The following SLC9A7 variants were observed in gnomAD, a reference collection of about 807,000 sequenced individuals.
SLC9A7 encodes solute carrier family 9 member A7.
Under a neutral mutation model 52.6 loss-of-function variants are expected in SLC9A7, and 19 were observed. The ratio of observed to expected loss-of-function variants is 0.36; its 90% CI spans 0.25 to 0.53. The LOEUF (loss-of-function observed/expected upper bound fraction) is 0.53. Ranked by LOEUF, SLC9A7 falls within the 20% of genes least tolerant of loss-of-function variation. The pLI is 0.91. For missense variants in SLC9A7, 455 were observed against 597.9 expected (o/e 0.76, Z 2.49); for synonymous variants, 226 against 252.1 (o/e 0.90, Z 0.98).
At chrX:46,648,283 C>T (rs747827666) in intron 11 of SLC9A7, among the ~76,000 whole-genome samples, 2 of 111,918 alleles carry the variant, frequency 1.8e-5, no homozygotes, top group Non-Finnish European at 3.8e-5. Flanking sequence ...GAGGATACTG[C>T]GGCTGGGAGG....
chrX:46,650,921 C>G (rs1230723170), intron 10 of SLC9A7, among the ~76,000 whole-genome samples, 189 bp downstream of exon 10: 1 of 111,020 alleles, frequency 9.0e-6, no homozygotes, highest in Non-Finnish European at 1.9e-5. Context: ...TTTTTTTCAT[C>G]ATAAAAACCC....
At chrX:46,649,616 A>G (rs985616429) in intron 10 of SLC9A7, among the ~76,000 whole-genome samples, 3 of 112,100 alleles carry the variant, frequency 2.7e-5, no homozygotes, top group Non-Finnish European at 3.8e-5. Flanking sequence ...AGCCAGAGGA[A>G]CAGGGAGCTT....
chrX:46,736,155 TC>T (rs756222081), intron 1 of SLC9A7, among the ~76,000 whole-genome samples: 1 of 112,226 alleles, frequency 8.9e-6, no homozygotes, highest in Admixed American at 9.5e-5. Flanking sequence ...ACATTGTTAC[TC>T]TTCTCTTGGA....
chrX:46,661,321 A>C (rs1288626673), intron 7 of SLC9A7, among the ~76,000 whole-genome samples: 1 of 110,675 alleles, frequency 9.0e-6, no homozygotes, highest in Non-Finnish European at 1.9e-5. Flanking sequence ...ATGTATACAT[A>C]TGTAACTAAC....
At chrX:46,647,783 A>G (rs764549121) in intron 11 of SLC9A7, among the ~76,000 whole-genome samples, 8 of 112,799 alleles carry the variant, frequency 7.1e-5, no homozygotes, top group Non-Finnish European at 1.1e-4. Flanking sequence ...ATGAGATAAA[A>G]TGACTGCTTT....
At chrX:46,727,313 C>T (rs1353143067) in intron 1 of SLC9A7, among the ~76,000 whole-genome samples, 1 of 112,450 alleles carries the variant, frequency 8.9e-6, no homozygotes, top group Non-Finnish European at 1.9e-5. Context: ...CTTTTATTTT[C>T]TCTTCCTATC....
intron 1 of SLC9A7, among the ~76,000 whole-genome samples, chrX:46,712,456 T>C (rs1197529324): frequency 9.0e-6 from 1 of 111,387 alleles, no homozygotes; most frequent in Non-Finnish European, 1.9e-5. Flanking sequence ...CACTCATTAG[T>C]GGCAGGGATG....
At chrX:46,643,465 TG>T (rs1943439363) in intron 11 of SLC9A7, 76 bp from the exon 12 acceptor site, 1 of 1,024,122 alleles carries the variant, frequency 9.8e-7, no homozygotes, top group African/African-American at 1.9e-5. Context: ...TGCTGCCATT[TG>T]GGGCTAATAA....
At chrX:46,699,682 C>A (rs1040523769) in intron 1 of SLC9A7, among the ~76,000 whole-genome samples, 3 of 111,519 alleles carry the variant, frequency 2.7e-5, no homozygotes, top group African/African-American at 9.8e-5. Flanking sequence ...GGATTGCTAC[C>A]CATCTGGCTC....
At chrX:46,684,577 T>A (rs888200526) in intron 1 of SLC9A7, among the ~76,000 whole-genome samples, 2 of 112,047 alleles carry the variant, frequency 1.8e-5, no homozygotes, top group Admixed American at 1.9e-4. Context: ...TAGGGAAAAG[T>A]AATGAAAGCT....
intron 1 of SLC9A7, among the ~76,000 whole-genome samples, chrX:46,747,861 T>C (rs189430836): frequency 4.7e-4 from 53 of 112,144 alleles, no homozygotes; most frequent in African/African-American, 1.5e-3. Context: ...CTAGGGTGGC[T>C]ATCATTTTTT....
chrX:46,678,976 T>C (rs902913357), intron 3 of SLC9A7, among the ~76,000 whole-genome samples: 1 of 111,485 alleles, frequency 9.0e-6, no homozygotes, highest in African/African-American at 3.3e-5. Flanking sequence ...TACACAACTG[T>C]TCCATCACCC....
intron 1 of SLC9A7, among the ~76,000 whole-genome samples, chrX:46,717,296 A>C (rs1944783585): frequency 8.9e-6 from 1 of 112,242 alleles, no homozygotes; most frequent in Non-Finnish European, 1.9e-5. Context: ...TTGTGTAATA[A>C]AGTGTTTTGA....
At chrX:46,728,303 C>T (rs932275214) in intron 1 of SLC9A7, among the ~76,000 whole-genome samples, 1 of 111,244 alleles carries the variant, frequency 9.0e-6, no homozygotes, top group Non-Finnish European at 1.9e-5. Flanking sequence ...AAATACACAA[C>T]TCAATTAGAC....
intron 1 of SLC9A7, among the ~76,000 whole-genome samples, chrX:46,749,342 C>T (rs1922065480): frequency 8.9e-6 from 1 of 112,129 alleles, no homozygotes; most frequent in African/African-American, 3.2e-5. Context: ...AGATAGATAT[C>T]TCTGTCTGCC....
intron 14 of SLC9A7, among the ~76,000 whole-genome samples, chrX:46,622,164 A>C (rs1943057047): frequency 8.9e-6 from 1 of 112,003 alleles, no homozygotes; most frequent in Non-Finnish European, 1.9e-5. Flanking sequence ...TATTTCAGGA[A>C]TGTTTAGTGA....
At chrX:46,616,472 A>G (rs997172055) in intron 15 of SLC9A7, among the ~76,000 whole-genome samples, 1 of 112,030 alleles carries the variant, frequency 8.9e-6, no homozygotes, top group Non-Finnish European at 1.9e-5. Context: ...AATGTAACAC[A>G]CTGTCATTTA....
chrX:46,660,697 C>T (rs1943798961), intron 7 of SLC9A7, among the ~76,000 whole-genome samples: 1 of 109,518 alleles, frequency 9.1e-6, no homozygotes, highest in South Asian at 4.1e-4. Context: ...GTTAGAATGG[C>T]CATCATTAAA....
At chrX:46,610,367 C>T (rs994051932) in intron 16 of SLC9A7, among the ~76,000 whole-genome samples, 1 of 112,381 alleles carries the variant, frequency 8.9e-6, no homozygotes, top group Non-Finnish European at 1.9e-5. Flanking sequence ...TCTTAGAAAT[C>T]TCCAAATAAA....
Sources: allele counts gnomAD v4.1 joint callset (sites outside exome capture counted in the v4.1 genomes callset), GRCh38; gene constraint gnomAD v4.1.1; transcripts MANE v1.5; gene names NCBI Gene and HGNC (gene_info 2026-07-23, HGNC 2026-07-21).